Variants in DEPDC4 observed in about 807,000 individuals in gnomAD.
The protein encoded by DEPDC4 is DEP domain-containing protein 4.
Under a neutral mutation model 52.0 loss-of-function variants are expected in DEPDC4, and 52 were observed. That is an observed-to-expected ratio of 1.00 (90% CI 0.80 to 1.26). The LOEUF is 1.26. DEPDC4 is among the 50% of genes most tolerant of loss of function. The pLI is 0.00. For missense variants in DEPDC4, 530 were observed against 546.9 expected (o/e 0.97, Z 0.31); for synonymous variants, 201 against 196.8 (o/e 1.02, Z -0.18).
chr12:100,251,883 A>G (rs1013706285), intron 7 of DEPDC4, among the ~76,000 whole-genome samples: 14 of 151,058 alleles, frequency 9.3e-5, no homozygotes, highest in African/African-American at 3.4e-4. Context: ...ATCTTTCTGT[A>G]TAGATGGGGT....
intron 5 of DEPDC4, 91 bp downstream of exon 5, chr12:100,253,398 C>T (rs934014421): frequency 6.6e-6 from 3 of 455,162 alleles, no homozygotes; most frequent in African/African-American, 6.2e-5. Flanking sequence ...AAATGTAATA[C>T]TCATATAGTA....
intron 3 of DEPDC4, 87 bp downstream of exon 3, chr12:100,262,177 G>A (rs562963772): frequency 3.4e-5 from 46 of 1,355,898 alleles, no homozygotes; most frequent in African/African-American, 2.5e-4. Flanking sequence ...CTATTTTGCC[G>A]TGACCTTGAA....
the DEPDC4 span, among the ~76,000 whole-genome samples, chr12:100,277,249 G>A: frequency 2.0e-5 from 3 of 152,200 alleles, no homozygotes; most frequent in East Asian, 5.8e-4. Context: ...TTTGTCATTT[G>A]TAGAGTGTGT....
At chr12:100,246,711 C>T (rs1024027515) in intron 8 of DEPDC4, among the ~76,000 whole-genome samples, 2 of 152,046 alleles carry the variant, frequency 1.3e-5, no homozygotes, top group South Asian at 2.1e-4. Flanking sequence ...CCAAGGCGGG[C>T]GGATCACTTG....
intron 7 of DEPDC4, among the ~76,000 whole-genome samples, chr12:100,251,452 ACT>A (rs2096207426): frequency 6.6e-6 from 1 of 152,160 alleles, no homozygotes; most frequent in Non-Finnish European, 1.5e-5. Flanking sequence ...ACAGGGTCTC[ACT>A]CTGTCACCCA....
chr12:100,273,726 A>G, the DEPDC4 span, among the ~76,000 whole-genome samples: 1 of 152,152 alleles, frequency 6.6e-6, no homozygotes, highest in Non-Finnish European at 1.5e-5. Flanking sequence ...CCCTTCTGGA[A>G]TACTCCTTCC....
chr12:100,259,945 CT>C (rs563354954), intron 3 of DEPDC4, among the ~76,000 whole-genome samples: 6,892 of 137,362 alleles, frequency 0.05, 201 homozygotes, highest in African/African-American at 0.099. Flanking sequence ...CCTCCTATGT[CT>C]TTTTTTTTTT....
Position 100,266,999 on chromosome 12 carries a change from C to T in DEPDC4, c.78G>A (p.Gln26=). ...LTPRFRRLVS[Q]NELPGPGLNG... is the part of the protein sequence containing the mutation. ...TCAGCCCTGGGCCCGGAAGCTCGTT[C>T]TGACTGACAAGTCTACGGAACCTCG... is the stretch of plus-strand genomic sequence containing the variant. The change falls in exon 1 of 10, where the codon CAG becomes CAA. Residue 26 remains glutamine (Q), a synonymous_variant. Transcript: ENST00000550587. 6.2e-7 allele frequency: 1 copy of T among 1,614,158 alleles called. No individual in the cohort carries two copies. The highest frequency in any genetic ancestry group is 8.5e-7 in the Non-Finnish European group (1 of 1,180,010).
At position 100,241,848 on chromosome 12, in the gene DEPDC4, G is replaced by GGA; in HGVS notation, c.*47-5_*47-4dup. On this transcript the variant is annotated splice_polypyrimidine_tract_variant and splice_region_variant and intron_variant, in intron 9 of 9. Transcript: ENST00000550587. The stretch of plus-strand genomic sequence containing the variant: ...CAAGGGTTGGCAAAACGTAAAGCCT[G>GGA]GAAAAAAAAAAAAAAAACAAAAGAA... The GGA allele has an allele frequency of 2.0e-6, 2 of 1,012,988 alleles. No individual in the cohort carries two copies. Among genetic ancestry groups the GGA allele is most frequent in the Non-Finnish European group, 1.2e-6 (1 of 841,164 alleles). 62.7% of individuals were successfully genotyped at this position (1,012,988 alleles called of 1,614,324 possible).
At chr12:100,237,121 C>A (rs1479441060), downstream of DEPDC4, among the ~76,000 whole-genome samples, 2 of 151,886 alleles carry the variant, frequency 1.3e-5, no homozygotes, top group African/African-American at 4.8e-5. Context: ...TACTGTGATG[C>A]CTCCAGATTT....
chr12:100,238,713 G>GT (rs1300184025), downstream of DEPDC4, among the ~76,000 whole-genome samples: 6 of 151,116 alleles, frequency 4.0e-5, no homozygotes, highest in Non-Finnish European at 7.4e-5. Context: ...CTTGGAACTC[G>GT]TGGGCTCAAG....
At chr12:100,273,654 G>A in the DEPDC4 span, among the ~76,000 whole-genome samples, 1 of 152,298 alleles carries the variant, frequency 6.6e-6, no homozygotes, top group African/African-American at 2.4e-5. Context: ...ATATGTAACT[G>A]TAGTTTGCAG....
chr12:100,269,958 T>C (rs1285495138), upstream of DEPDC4, among the ~76,000 whole-genome samples: 1 of 152,162 alleles, frequency 6.6e-6, no homozygotes, highest in African/African-American at 2.4e-5. Flanking sequence ...TATGAGTTTG[T>C]TTTCATACAT....
At chr12:100,259,312 G>T (rs1723168717) in intron 3 of DEPDC4, among the ~76,000 whole-genome samples, 1 of 152,062 alleles carries the variant, frequency 6.6e-6, no homozygotes, top group Non-Finnish European at 1.5e-5. Context: ...ACCTTATGAA[G>T]GGGATTTCCC....
At chr12:100,253,165 G>A (rs1012697330) in intron 5 of DEPDC4, among the ~76,000 whole-genome samples, 17 of 152,126 alleles carry the variant, frequency 1.1e-4, no homozygotes, top group African/African-American at 4.1e-4. Context: ...TGACTCACCC[G>A]CCTTGGCCTC....
chr12:100,241,572 T>C lies in DEPDC4; in HGVS notation c.*320A>G, dbSNP rs534398849. On this transcript the variant is annotated 3_prime_UTR_variant, in exon 10 of 10. Transcript: ENST00000550587. ...AAAAAATAAAACACTTAAAATCCTTTGAGATTATGCTTTCTCTGAAGTGTA... is the reference window on the plus strand; with the variant it reads ...AAAAAATAAAACACTTAAAATCCTTCGAGATTATGCTTTCTCTGAAGTGTA... 1 of 724,392 alleles carries C rather than the reference T, an allele frequency of 1.4e-6. No individual in the cohort carries two copies. The highest frequency in any genetic ancestry group is 5.0e-5 in the Admixed American group (1 of 19,948). The allele number at this position is 724,392 out of a possible 1,614,324, so 44.9% of individuals were successfully genotyped here.
chr12:100,270,131 C>T (rs991669678), upstream of DEPDC4, among the ~76,000 whole-genome samples: 1 of 151,994 alleles, frequency 6.6e-6, no homozygotes, highest in African/African-American at 2.4e-5. Context: ...GGACTACAGG[C>T]GCCCACCACC....
At chr12:100,271,361 G>A (rs568703062), upstream of DEPDC4, among the ~76,000 whole-genome samples, 17 of 151,300 alleles carry the variant, frequency 1.1e-4, no homozygotes, top group African/African-American at 2.2e-4. Context: ...ATAAGCACAC[G>A]TATTTTCCCC....
rs147659790 is a variant in DEPDC4 at position 100,256,341 on chromosome 12, T to C, written c.701-115A>G. ...TACAAAAGTAAAACTAGTTCAGTAG[T>C]AATATAATGGGTTAATTTAATGCTT... On this transcript the variant is annotated intron_variant, in intron 3 of 9. Coordinates refer to ENST00000550587, the MANE Select transcript of DEPDC4 (RefSeq NM_001364818.2). 341 of 656,618 alleles carry C rather than the reference T, an allele frequency of 5.2e-4. 2 individuals carry two copies. The African/African-American group carries it at 5.7e-3, about 11-fold the overall frequency. The allele number at this position is 656,618 out of a possible 1,614,324, so 40.7% of individuals were successfully genotyped here. A position where few individuals can be genotyped will look rare whatever the true frequency, so the allele number is the denominator to read the frequency against.
Sources: allele counts gnomAD v4.1 joint callset (sites outside exome capture counted in the v4.1 genomes callset), GRCh38; gene constraint gnomAD v4.1.1; transcripts MANE v1.5; gene names NCBI Gene and HGNC (gene_info 2026-07-23, HGNC 2026-07-21).